FAM193A: variants seen among roughly 807,000 people sequenced by gnomAD.
The protein encoded by FAM193A is family with sequence similarity 193 member A, also known as protein FAM193A.
Under a neutral mutation model 126.5 loss-of-function variants are expected in FAM193A, and 22 were observed. The ratio of observed to expected loss-of-function variants is 0.17; its 90% confidence interval spans 0.12 to 0.25. FAM193A has a LOEUF of 0.25. Ranked by LOEUF, FAM193A falls within the 10% of genes least tolerant of loss-of-function variation. FAM193A has a pLI of 1.00. For synonymous variants in FAM193A, 761 were observed against 646.8 expected (o/e 1.18, Z -2.68); for missense variants, 1,675 against 1,672.8 (o/e 1.00, Z -0.02).
chr4:2,590,471 AAAAAC>A (rs1413908924), intron 1 of FAM193A, among the ~76,000 whole-genome samples: 5,596 of 92,222 alleles, frequency 0.061, 1,123 homozygotes, highest in African/African-American at 0.2. Flanking sequence ...CTCAAAAAAA[AAAAAC>A]AAAAAAAAAC....
At chr4:2,556,708 A>C (rs917310036) in intron 1 of FAM193A, among the ~76,000 whole-genome samples, 7 of 152,192 alleles carry the variant, frequency 4.6e-5, no homozygotes, top group Admixed American at 2.0e-4. Flanking sequence ...TAATTTCTAA[A>C]CTACCTTGGA....
At chr4:2,664,558 CTTTTTTTT>C (rs33958851) in intron 12 of FAM193A, among the ~76,000 whole-genome samples, 6 of 73,074 alleles carry the variant, frequency 8.2e-5, no homozygotes, top group African/African-American at 3.2e-4. Context: ...TATTTTCTTT[CTTTTTTTT>C]TTTTTTTTTT....
upstream of FAM193A, chr4:2,536,640 A>C (rs1196746424): frequency 6.8e-6 from 1 of 147,492 alleles, no homozygotes; most frequent in East Asian, 2.1e-4. Flanking sequence ...CCCCGACGTA[A>C]ACTGGGATCC....
At chr4:2,668,677 G>A (rs921739489) in intron 12 of FAM193A, among the ~76,000 whole-genome samples, 7 of 152,176 alleles carry the variant, frequency 4.6e-5, no homozygotes, top group South Asian at 2.1e-4. Flanking sequence ...CCAATAATAT[G>A]TTTTAATTAC....
rs774172716 is a variant in FAM193A, at chr4:2,693,599, T to C, written c.2817T>C (p.His939=). The C allele has an allele frequency of 1.9e-6, 3 of 1,610,344 alleles. No homozygotes were observed. In the Admixed American group the frequency reaches 5.0e-5, roughly 27 times the overall value. ...CTCTAAATGCAGGTGACGTGTTTCA[T>C]GGCATCAGCAAGGAGGACCACAGAC... ...KRPPSVGDVF[H]GISKEDHRHS... is the part of the protein sequence containing the mutation. Residue 939 remains histidine, a synonymous_variant, in exon 16 of 21, where the codon CAT becomes CAC. Coordinates refer to ENST00000637812, the MANE Select transcript of FAM193A (RefSeq NM_001366318.2).
intron 2 of FAM193A, among the ~76,000 whole-genome samples, chr4:2,623,015 C>T (rs1305175281): frequency 2.0e-5 from 3 of 152,084 alleles, no homozygotes; most frequent in African/African-American, 7.2e-5. Flanking sequence ...AGCCTGCCCC[C>T]AACCCCCTAC....
chr4:2,628,763 A>T (rs1743231732), intron 4 of FAM193A, among the ~76,000 whole-genome samples: 1 of 152,176 alleles, frequency 6.6e-6, no homozygotes, highest in African/African-American at 2.4e-5. Context: ...AGTAGCAGCC[A>T]GTGTGTAGTT....
intron 19 of FAM193A, among the ~76,000 whole-genome samples, chr4:2,707,813 T>G (rs540100712): frequency 6.6e-6 from 1 of 151,256 alleles, no homozygotes; most frequent in South Asian, 2.1e-4. Flanking sequence ...CACTGCGGAC[T>G]TTATTTCCCA....
intron 13 of FAM193A, among the ~76,000 whole-genome samples, chr4:2,683,622 C>T (rs1560564384): frequency 1.3e-5 from 2 of 152,178 alleles, no homozygotes; most frequent in Non-Finnish European, 2.9e-5. Flanking sequence ...TGGTATTCTG[C>T]AGGTTGAATA....
intron 12 of FAM193A, among the ~76,000 whole-genome samples, chr4:2,671,831 C>G (rs1039288083): frequency 2.0e-5 from 3 of 152,222 alleles, no homozygotes; most frequent in African/African-American, 7.2e-5. Flanking sequence ...TCCCTGCTCA[C>G]ATGTGGGAAG....
At position 2,539,640 on chromosome 4, in the gene FAM193A, C is replaced by T. The variant is rs1160136406; in HGVS notation, c.255+2470C>T. ...CAGGCTTGTCTTGAACTCTTGACCT[C>T]AAGTGATCCTCCCATCTCTGCCTCC... On this transcript the variant is annotated intron_variant, in intron 1 of 20. Transcript: ENST00000637812. Among the ~76,000 whole-genome samples the T allele has an allele frequency of 2.6e-5, 4 of 151,960 alleles. No individual in the cohort carries two copies. In the East Asian group the frequency reaches 7.8e-4, roughly 30 times the overall value.
intron 12 of FAM193A, among the ~76,000 whole-genome samples, chr4:2,667,675 C>G (rs908422890): frequency 1.3e-5 from 2 of 152,056 alleles, no homozygotes; most frequent in African/African-American, 4.8e-5. Context: ...TTCTTTGTGT[C>G]TTTGAATCTA....
chr4:2,709,159 T>C (rs1718645883), intron 19 of FAM193A, among the ~76,000 whole-genome samples: 1 of 152,192 alleles, frequency 6.6e-6, no homozygotes, highest in Non-Finnish European at 1.5e-5. Context: ...TCTGTGGAGA[T>C]AACCATGATG....
intron 13 of FAM193A, among the ~76,000 whole-genome samples, chr4:2,688,410 C>A (rs1174245231): frequency 6.6e-6 from 1 of 152,064 alleles, no homozygotes; most frequent in Non-Finnish European, 1.5e-5. Context: ...TAGGCCGAGG[C>A]CTGCAGGATG....
At chr4:2,620,838 A>G (rs1742501942) in intron 2 of FAM193A, among the ~76,000 whole-genome samples, 1 of 43,490 alleles carries the variant, frequency 2.3e-5, no homozygotes, top group Non-Finnish European at 6.9e-5. Flanking sequence ...CTCCGTCTCA[A>G]AAAAAAAAAA....
intron 1 of FAM193A, among the ~76,000 whole-genome samples, chr4:2,591,458 A>G (rs540105599): frequency 2.0e-5 from 3 of 152,110 alleles, no homozygotes; most frequent in Admixed American, 1.3e-4. Context: ...GATGGAGGGC[A>G]TGTGGGGAGC....
chr4:2,616,006 G>A (rs1411945018), intron 2 of FAM193A, among the ~76,000 whole-genome samples: 1 of 152,232 alleles, frequency 6.6e-6, no homozygotes, highest in African/African-American at 2.4e-5. Flanking sequence ...AGACAGTGTT[G>A]CCCAGGCTGG....
intron 13 of FAM193A, among the ~76,000 whole-genome samples, chr4:2,688,976 G>C (rs1577208993): frequency 6.6e-6 from 1 of 152,380 alleles, no homozygotes; most frequent in South Asian, 2.1e-4. Flanking sequence ...GGCCCAGGGC[G>C]GGGCTTGCCA....
In FAM193A at chr4:2,693,722, C is replaced by G. The variant is rs1408711223; in HGVS notation, c.2940C>G (p.Ala980=). The G allele has an allele frequency of 6.2e-7, 1 of 1,614,110 alleles. No individual in the cohort carries two copies. The highest frequency in any genetic ancestry group is 1.7e-5 in the Admixed American group (1 of 60,030). ...TGTCACCTGCTGCGCTCTCACCTGC[C>G]TCCACACCTCACCTTGCAAATCTTG... ...AALSPAALSP[A]STPHLANLAA... Residue 980 remains alanine, a synonymous_variant, in exon 16 of 21, where the codon GCC becomes GCG. Transcript: ENST00000637812.
Sources: allele counts gnomAD v4.1 joint callset (sites outside exome capture counted in the v4.1 genomes callset), GRCh38; gene constraint gnomAD v4.1.1; transcripts MANE v1.5; gene names NCBI Gene and HGNC (gene_info 2026-07-23, HGNC 2026-07-21).